The following BMP2K variants were observed in gnomAD, a reference collection of about 807,000 sequenced individuals.
BMP2K encodes the protein BMP-2-inducible protein kinase.
A neutral mutation model predicts 116.0 loss-of-function variants in BMP2K; 74 were observed. The ratio of observed to expected loss-of-function variants is 0.64; its 90% CI spans 0.53 to 0.77. BMP2K has a LOEUF of 0.77. BMP2K is among the 30% of genes least tolerant of loss of function. The pLI is 0.00. For synonymous variants in BMP2K, 486 were observed against 502.5 expected (o/e 0.97, Z 0.44); for missense variants, 1,365 against 1,403.6 (o/e 0.97, Z 0.44).
intron 1 of BMP2K, among the ~76,000 whole-genome samples, chr4:78,794,766 T>C (rs771711185): frequency 1.3e-5 from 2 of 152,130 alleles, no homozygotes; most frequent in South Asian, 4.1e-4. Flanking sequence ...TCTCACTGTG[T>C]TTTCCAGGTT....
At chr4:78,797,918 G>A (rs1379820085) in intron 1 of BMP2K, among the ~76,000 whole-genome samples, 6 of 152,010 alleles carry the variant, frequency 3.9e-5, no homozygotes, top group African/African-American at 1.4e-4. Flanking sequence ...AAACTCCTGG[G>A]CTCAATTGAG....
chr4:78,818,939 A>G (rs1170672331), intron 1 of BMP2K, among the ~76,000 whole-genome samples: 1 of 151,900 alleles, frequency 6.6e-6, no homozygotes, highest in Non-Finnish European at 1.5e-5. Context: ...TGGGATTACA[A>G]GTGCATGCCA....
chr4:78,816,095 C>T (rs577440299), intron 1 of BMP2K, among the ~76,000 whole-genome samples: 89 of 152,108 alleles, frequency 5.9e-4, no homozygotes, highest in Admixed American at 1.2e-3. Context: ...TAGCGTTCCA[C>T]GTCTAGCTTT....
At chr4:78,802,374 A>G (rs1194879319) in intron 1 of BMP2K, among the ~76,000 whole-genome samples, 7 of 152,202 alleles carry the variant, frequency 4.6e-5, no homozygotes, top group African/African-American at 1.4e-4. Context: ...AGAATTTTAA[A>G]CACTGCTTTT....
intron 1 of BMP2K, among the ~76,000 whole-genome samples, chr4:78,815,060 A>G (rs1413045276): frequency 6.6e-6 from 1 of 152,188 alleles, no homozygotes. Context: ...CAGGGTAATG[A>G]TGAGAAAGGA....
At chr4:78,816,238 T>C (rs533976273) in intron 1 of BMP2K, among the ~76,000 whole-genome samples, 65 of 152,282 alleles carry the variant, frequency 4.3e-4, no homozygotes, top group African/African-American at 1.5e-3. Context: ...CGATGCTGTT[T>C]ACTTTATACT....
intron 1 of BMP2K, among the ~76,000 whole-genome samples, chr4:78,813,583 T>C (rs185086273): frequency 2.6e-4 from 40 of 152,332 alleles, no homozygotes; most frequent in African/African-American, 8.4e-4. Context: ...CTCAAACTTA[T>C]CAACCATGCC....
At chr4:78,784,399 TACCC>T (rs1043713707) in intron 1 of BMP2K, among the ~76,000 whole-genome samples, 5 of 152,374 alleles carry the variant, frequency 3.3e-5, no homozygotes, top group African/African-American at 1.2e-4. Context: ...ACCATTCATC[TACCC>T]ACAGCCTGCT....
chr4:78,848,698 C>T (rs72660907), intron 6 of BMP2K, among the ~76,000 whole-genome samples: 6,827 of 151,032 alleles, frequency 0.045, 220 homozygotes, highest in Middle Eastern at 0.11. Flanking sequence ...AGGTAGCATA[C>T]TAAATTGTCA....
chr4:78,791,743 C>T (rs1052261218), intron 1 of BMP2K, among the ~76,000 whole-genome samples: 1 of 152,120 alleles, frequency 6.6e-6, no homozygotes, highest in African/African-American at 2.4e-5. Flanking sequence ...CTTAAAAATG[C>T]CTTTAAGGTA....
At chr4:78,852,370 T>C (rs1167485090) in intron 7 of BMP2K, among the ~76,000 whole-genome samples, 1 of 152,160 alleles carries the variant, frequency 6.6e-6, no homozygotes, top group African/African-American at 2.4e-5. Flanking sequence ...TTTGAACTTA[T>C]TTCTGAGAGC....
intron 1 of BMP2K, among the ~76,000 whole-genome samples, chr4:78,795,188 TTTTGTC>T (rs1368541925): frequency 6.6e-6 from 1 of 152,234 alleles, no homozygotes; most frequent in Non-Finnish European, 1.5e-5. Context: ...ATAATAACTT[TTTTGTC>T]TTTCTCTCTC....
At chr4:78,795,883 A>G (rs1346565232) in intron 1 of BMP2K, among the ~76,000 whole-genome samples, 2 of 151,958 alleles carry the variant, frequency 1.3e-5, no homozygotes, top group African/African-American at 4.8e-5. Flanking sequence ...TTAAAAAGTC[A>G]GGAAACAACA....
At chr4:78,841,317 A>G (rs542439160) in intron 3 of BMP2K, among the ~76,000 whole-genome samples, 68 of 152,282 alleles carry the variant, frequency 4.5e-4, no homozygotes, top group Admixed American at 1.0e-3. Flanking sequence ...CCCAAACTCA[A>G]TTTTTATTAG....
At chr4:78,849,291 C>T (rs1373574038) in intron 6 of BMP2K, among the ~76,000 whole-genome samples, 1 of 151,298 alleles carries the variant, frequency 6.6e-6, no homozygotes, top group Non-Finnish European at 1.5e-5. Flanking sequence ...CTGGTTCCCT[C>T]CTGTTTCTTG....
chr4:78,903,768 T>G (rs955799262), intron 15 of BMP2K, among the ~76,000 whole-genome samples: 7 of 151,990 alleles, frequency 4.6e-5, no homozygotes, highest in Admixed American at 4.6e-4. Flanking sequence ...GTGGCTTTTA[T>G]TTTTTGGGCA....
chr4:78,875,707 G>T (rs1024483680), intron 13 of BMP2K, among the ~76,000 whole-genome samples: 4 of 152,196 alleles, frequency 2.6e-5, no homozygotes, highest in African/African-American at 9.7e-5. Context: ...GGCTTGGCTG[G>T]TGATAAAGGA....
At chr4:78,799,726 A>G (rs545341264) in intron 1 of BMP2K, among the ~76,000 whole-genome samples, 5 of 152,298 alleles carry the variant, frequency 3.3e-5, no homozygotes, top group South Asian at 2.1e-4. Context: ...CTCATGTGCT[A>G]TGGTTACAGT....
At chr4:78,804,283 A>G (rs1378926481) in intron 1 of BMP2K, among the ~76,000 whole-genome samples, 1 of 152,208 alleles carries the variant, frequency 6.6e-6, no homozygotes, top group Non-Finnish European at 1.5e-5. Context: ...ATGTTTTAAC[A>G]TGCATTCATT....
Sources: allele counts gnomAD v4.1 joint callset (sites outside exome capture counted in the v4.1 genomes callset), GRCh38; gene constraint gnomAD v4.1.1; transcripts MANE v1.5; gene names NCBI Gene and HGNC (gene_info 2026-07-23, HGNC 2026-07-21).